Variants in EPS15 observed in about 807,000 individuals in gnomAD.
EPS15 encodes the protein epidermal growth factor receptor pathway substrate 15, also known as epidermal growth factor receptor substrate 15.
In EPS15, 72 loss-of-function variants were observed where a neutral mutation model predicts 113.8. That is an observed-to-expected ratio of 0.63 (90% confidence interval 0.52 to 0.77). The LOEUF is 0.77. Among genes scored for constraint, EPS15 ranks in the 30% least tolerant of loss-of-function variants. The pLI, the probability that EPS15 is intolerant of heterozygous loss-of-function variation, is 0.00. For missense variants in EPS15, 1,048 were observed against 1,045.8 expected (o/e 1.00, Z -0.03); for synonymous variants, 344 against 363.4 (o/e 0.95, Z 0.61).
At chr1:51,430,967 A>T (rs1570288204) in intron 12 of EPS15, among the ~76,000 whole-genome samples, 1 of 136,206 alleles carries the variant, frequency 7.3e-6, no homozygotes, top group East Asian at 2.1e-4. Flanking sequence ...TGAAAAATAC[A>T]TTACTTACAT....
chr1:51,359,453 A>G (rs1487223657), intron 24 of EPS15, among the ~76,000 whole-genome samples: 1 of 151,020 alleles, frequency 6.6e-6, no homozygotes, highest in East Asian at 1.9e-4. Flanking sequence ...TAAAAAAAAA[A>G]AAAAAAAAAA....
chr1:51,493,573 TAA>T (rs1557522934), intron 1 of EPS15, among the ~76,000 whole-genome samples: 24 of 143,200 alleles, frequency 1.7e-4, no homozygotes, highest in Admixed American at 6.8e-4. Flanking sequence ...AATAAATAAA[TAA>T]ATAAAAATAA....
At chr1:51,480,506 T>A (rs976075399) in intron 2 of EPS15, among the ~76,000 whole-genome samples, 4 of 152,134 alleles carry the variant, frequency 2.6e-5, no homozygotes, top group Non-Finnish European at 5.9e-5. Context: ...ATATTCCCAT[T>A]TTTTTGTTGT....
intron 13 of EPS15, among the ~76,000 whole-genome samples, chr1:51,415,380 A>C (rs1650108937): frequency 1.3e-5 from 2 of 152,228 alleles, no homozygotes. Flanking sequence ...CAGGACTTAA[A>C]GGAAAGGTTA....
At chr1:51,375,420 AC>A (rs1456162882) in intron 21 of EPS15, among the ~76,000 whole-genome samples, 1 of 152,196 alleles carries the variant, frequency 6.6e-6, no homozygotes, top group Non-Finnish European at 1.5e-5. Flanking sequence ...TGAAAGCTTA[AC>A]AATTCCCCTG....
rs984658339 is a variant in EPS15, at chr1:51,372,603, ACTAAC to A, written c.2120-6579_2120-6575del. ...GCCATCAATGAACTCAAGAAAAGAC[ACTAAC>A]CTAACTCAGTATTGGTATTACTGAC... is the stretch of plus-strand genomic sequence containing the variant. On this transcript the variant is annotated intron_variant, in intron 21 of 24. Transcript: ENST00000371733. The A allele has an allele frequency of 3.5e-5, 18 of 511,574 alleles. No homozygotes were observed. In the Admixed American group the frequency reaches 3.6e-4, roughly 10 times the overall value. 31.7% of individuals were successfully genotyped at this position (511,574 alleles called of 1,614,324 possible). A position where few individuals can be genotyped will look rare whatever the true frequency, so the allele number is the denominator to read the frequency against.
intron 13 of EPS15, among the ~76,000 whole-genome samples, chr1:51,413,211 T>G (rs1336672424): frequency 3.3e-5 from 5 of 152,238 alleles, no homozygotes; most frequent in African/African-American, 1.2e-4. Context: ...CCACTATTGA[T>G]TCTTCAGAAT....
intron 21 of EPS15, among the ~76,000 whole-genome samples, chr1:51,387,969 C>T (rs1647135737): frequency 2.0e-5 from 3 of 152,286 alleles, no homozygotes; most frequent in Non-Finnish European, 4.4e-5. Context: ...ACCAAGCAGA[C>T]CTAATAGACA....
At chr1:51,367,715 G>A (rs770981905) in intron 21 of EPS15, among the ~76,000 whole-genome samples, 4 of 152,154 alleles carry the variant, frequency 2.6e-5, no homozygotes, top group Admixed American at 6.5e-5. Flanking sequence ...TACCAATAAC[G>A]TCAAAGAATG....
intron 2 of EPS15, among the ~76,000 whole-genome samples, chr1:51,478,409 A>C (rs1227641279): frequency 6.6e-6 from 1 of 151,952 alleles, no homozygotes; most frequent in Non-Finnish European, 1.5e-5. Flanking sequence ...CTCTTTATCC[A>C]GTTTGCCAGT....
intron 1 of EPS15, among the ~76,000 whole-genome samples, chr1:51,483,059 C>A (rs1644050474): frequency 1.3e-5 from 2 of 152,070 alleles, no homozygotes; most frequent in African/African-American, 4.8e-5. Context: ...AAATTGTAAA[C>A]CATTCCAAGT....
chr1:51,497,885 G>C (rs778549599), intron 1 of EPS15, among the ~76,000 whole-genome samples: 3 of 151,708 alleles, frequency 2.0e-5, no homozygotes, highest in African/African-American at 4.8e-5. Flanking sequence ...GCTGAGACAG[G>C]AGAATCGCTT....
intron 12 of EPS15, among the ~76,000 whole-genome samples, chr1:51,429,955 C>A (rs1651570363): frequency 6.6e-6 from 1 of 152,020 alleles, no homozygotes; most frequent in African/African-American, 2.4e-5. Context: ...CCAGCCAAGA[C>A]AGACTTTCAA....
chr1:51,409,777 G>C, intron 13 of EPS15, 81 bp from the exon 14 acceptor site: 1 of 951,474 alleles, frequency 1.1e-6, no homozygotes, highest in Non-Finnish European at 1.6e-6. Context: ...TCTACCTTAA[G>C]AAAGAATAAA....
At chr1:51,416,485 A>G (rs1435402536) in intron 13 of EPS15, among the ~76,000 whole-genome samples, 1 of 152,220 alleles carries the variant, frequency 6.6e-6, no homozygotes, top group Admixed American at 6.5e-5. Context: ...ACTCATCTAG[A>G]AATTAAAGGA....
At chr1:51,489,303 A>ATATATATATATATATATATGTATG (rs1360006242) in intron 1 of EPS15, among the ~76,000 whole-genome samples, 5 of 140,032 alleles carry the variant, frequency 3.6e-5, no homozygotes, top group African/African-American at 1.4e-4. Flanking sequence ...ATATATATAT[A>ATATATATATATATATATATGTATG]TATGTATGTA....
intron 8 of EPS15, among the ~76,000 whole-genome samples, chr1:51,459,495 C>T (rs997505205): frequency 2.6e-5 from 4 of 151,576 alleles, no homozygotes; most frequent in African/African-American, 9.7e-5. Flanking sequence ...GACTCTGTCT[C>T]AAAAATAAAA....
At chr1:51,451,733 T>C (rs1224981171) in intron 8 of EPS15, among the ~76,000 whole-genome samples, 1 of 149,190 alleles carries the variant, frequency 6.7e-6, no homozygotes, top group Admixed American at 6.6e-5. Flanking sequence ...TGTCCCAGAA[T>C]ATATTCTCTT....
intron 21 of EPS15, among the ~76,000 whole-genome samples, chr1:51,378,149 G>A (rs962185923): frequency 2.0e-5 from 3 of 151,214 alleles, no homozygotes; most frequent in East Asian, 2.0e-4. Flanking sequence ...CACCCACCCC[G>A]GCCTCCCAAA....
Sources: allele counts gnomAD v4.1 joint callset (sites outside exome capture counted in the v4.1 genomes callset), GRCh38; gene constraint gnomAD v4.1.1; transcripts MANE v1.5; gene names NCBI Gene and HGNC (gene_info 2026-07-23, HGNC 2026-07-21).